The following MED22 variants were observed in gnomAD, a reference collection of about 807,000 sequenced individuals.
MED22 encodes the protein mediator of RNA polymerase II transcription subunit 22.
MED22 carries 22 observed loss-of-function variants against 22.7 expected under a neutral mutation model. The observed-to-expected ratio is 0.97, with a 90% CI of 0.69 to 1.38. MED22 has a LOEUF of 1.38. MED22 is among the 40% of genes most tolerant of loss of function. The pLI is 0.00. For missense variants in MED22, 247 were observed against 263.0 expected (o/e 0.94, Z 0.42); for synonymous variants, 134 against 119.4 (o/e 1.12, Z -0.80).
Position 133,348,009 on chromosome 9 carries a change from C to T in MED22, c.-126G>A. On this transcript the variant is annotated 5_prime_UTR_variant, in exon 1 of 5. Transcript: ENST00000343730. The stretch of plus-strand genomic sequence containing the variant: ...AGTGCCTCTGCGACCCGCACTTTCC[C>T]GCGTCTCTCCCACGGCCTGGCCCTC... 1 of 605,524 alleles carries T rather than the reference C, an allele frequency of 1.7e-6. No individual in the cohort carries two copies. Among genetic ancestry groups the T allele is most frequent in the South Asian group, 1.9e-5 (1 of 53,606 alleles). 37.5% of individuals were successfully genotyped at this position (605,524 alleles called of 1,614,324 possible). A position where few individuals can be genotyped will look rare whatever the true frequency, so the allele number is the denominator to read the frequency against.
chr9:133,345,153 C>G lies in MED22; in HGVS notation c.204+19G>C. On this transcript the variant is annotated intron_variant, in intron 3 of 4. Coordinates refer to ENST00000343730, the MANE Select transcript of MED22 (RefSeq NM_133640.5). Reference sequence around the variant, plus strand: ...ATGCTCTTGGAGCCCAGGCCGTGCCCTCCACCCTGGCCACTCACGATGTTG... The same window carrying G: ...ATGCTCTTGGAGCCCAGGCCGTGCCGTCCACCCTGGCCACTCACGATGTTG... 6.2e-7 allele frequency: 1 copy of G among 1,612,880 alleles called. No homozygotes were observed. The highest frequency in any genetic ancestry group is 8.5e-7 in the Non-Finnish European group (1 of 1,179,466).
chr9:133,345,166 A>G lies in MED22; in HGVS notation c.204+6T>C. ...CCAGGCCGTGCCCTCCACCCTGGCC[A>G]CTCACGATGTTGGCGGCTCGCACAT... On this transcript the variant is annotated splice_donor_region_variant and intron_variant, in intron 3 of 4. Transcript: ENST00000343730. The G allele has an allele frequency of 6.2e-7, 1 of 1,613,218 alleles. No homozygotes were observed. The highest frequency in any genetic ancestry group is 8.5e-7 in the Non-Finnish European group (1 of 1,179,826).
chr9:133,346,377 C>G, intron 2 of MED22, 163 bp downstream of exon 2: 1 of 801,108 alleles, frequency 1.2e-6, no homozygotes, highest in Admixed American at 2.4e-5. Flanking sequence ...TTAGTAAGGG[C>G]TGGACGTGCC....
At position 133,345,174 on chromosome 9, in the gene MED22, T is replaced by C. The variant is rs2129964073; in HGVS notation, c.202A>G (p.Ile68Val). 3.5e-5 allele frequency: 57 copies of C among 1,613,800 alleles called. No homozygotes were observed. In the South Asian group the frequency reaches 6.0e-4, roughly 17 times the overall value. Residue 68 changes from isoleucine to valine, a missense_variant and splice_region_variant, in exon 3 of 5, where the codon ATC becomes GTC. Ile to Val is a conservative substitution (Grantham distance 29, BLOSUM62 3). Transcript: ENST00000343730. ...TGCCCTCCACCCTGGCCACTCACGA[T>C]GTTGGCGGCTCGCACATGCATCTCG... The part of the protein sequence containing the change: ...NYEMHVRAAN[I>V]VRAGESLMKL...
Position 133,344,130 on chromosome 9 carries a change from C to T in MED22, c.408G>A (p.Ser136=), listed in dbSNP as rs2129959568. ...DLYELEEEYY[S]SSSSLCEAND... ...GAGTCCAGCGCTATTTATACCTGGA[C>T]GAGTAATACTCCTCCTCCAGCTCGT... The change falls in exon 4 of 5, where the codon TCG becomes TCA. Residue 136 remains serine (S), a synonymous_variant. Coordinates refer to ENST00000343730, the MANE Select transcript of MED22 (RefSeq NM_133640.5). 3.6e-5 allele frequency: 58 copies of T among 1,613,982 alleles called. No individual in the cohort carries two copies. Among genetic ancestry groups the T allele is most frequent in the East Asian group, 4.5e-5 (2 of 44,886 alleles).
In MED22 at chr9:133,341,317, A is replaced by G; in HGVS notation, c.*188T>C. On this transcript the variant is annotated 3_prime_UTR_variant, in exon 5 of 5. Transcript: ENST00000343730. ...ATGGGCTATTCGGAAATGGCTAGGG[A>G]AACAACTGTTTCCCTACTGTCCTGG... 1 of 520,008 alleles carries G rather than the reference A, an allele frequency of 1.9e-6. No individual in the cohort carries two copies. 32.2% of individuals were successfully genotyped at this position (520,008 alleles called of 1,614,324 possible).
rs916439600 is a variant in MED22 at position 133,346,475 on chromosome 9, C to T, written c.123+65G>A. The T allele has an allele frequency of 1.9e-6, 3 of 1,598,692 alleles. No homozygotes were observed. The South Asian group carries it at 3.3e-5, about 18-fold the overall frequency. Reference sequence around the variant, plus strand: ...ACTATTCACTCGCGCTGCTCAGCCCCTGGCCTCTCCTGTCTCCACCCCTTC... The same window carrying T: ...ACTATTCACTCGCGCTGCTCAGCCCTTGGCCTCTCCTGTCTCCACCCCTTC... On this transcript the variant is annotated intron_variant, in intron 2 of 4. Transcript: ENST00000343730.
Position 133,346,524 on chromosome 9 carries a change from G to C in MED22, c.123+16C>G. 6.2e-7 allele frequency: 1 copy of C among 1,611,372 alleles called. No individual in the cohort carries two copies. The highest frequency in any genetic ancestry group is 1.3e-5 in the African/African-American group (1 of 74,874). On this transcript the variant is annotated intron_variant, in intron 2 of 4. Transcript: ENST00000343730. ...TCTCAGACTCTGCTCCCCTTGGTGG[G>C]CCACCCCACCCCCACCTTGGCGGTC... is the stretch of plus-strand genomic sequence containing the variant.
At position 133,345,163 on chromosome 9, in the gene MED22, G is replaced by A. The variant is rs2129963947; in HGVS notation, c.204+9C>T. 1.2e-5 allele frequency: 20 copies of A among 1,613,338 alleles called. No homozygotes were observed. The highest frequency in any genetic ancestry group is 5.1e-6 in the Non-Finnish European group (6 of 1,179,910). ...AGCCCAGGCCGTGCCCTCCACCCTG[G>A]CCACTCACGATGTTGGCGGCTCGCA... On this transcript the variant is annotated intron_variant, in intron 3 of 4. Transcript: ENST00000343730.
chr9:133,347,916 T>C lies in MED22; in HGVS notation c.-39+6A>G. On this transcript the variant is annotated splice_donor_region_variant and intron_variant, in intron 1 of 4. Coordinates refer to ENST00000343730, the MANE Select transcript of MED22 (RefSeq NM_133640.5). ...TCCATCCCCACCCCCCACCACACCC[T>C]CATACCCGCCCCAGCGCCCGCACAC... The C allele has an allele frequency of 1.1e-5, 1 of 94,004 alleles. No homozygotes were observed. The highest frequency in any genetic ancestry group is 2.0e-5 in the Non-Finnish European group (1 of 49,542). The allele number at this position is 94,004 out of a possible 1,614,324, so 5.8% of individuals were successfully genotyped here. A position where few individuals can be genotyped will look rare whatever the true frequency, so the allele number is the denominator to read the frequency against.
chr9:133,342,142 C>G (rs1197835438), intron 4 of MED22: 3 of 1,005,640 alleles, frequency 3.0e-6, no homozygotes, highest in African/African-American at 3.5e-5. Context: ...CTGGGTCTGT[C>G]CCTGCCTGAG....
At chr9:133,345,641 G>GT (rs2129965901) in intron 2 of MED22, among the ~76,000 whole-genome samples, 1 of 152,058 alleles carries the variant, frequency 6.6e-6, no homozygotes. Flanking sequence ...GATGATTTAA[G>GT]TTTTTTTTCG....
At position 133,343,757 on chromosome 9, in the gene MED22, T is replaced by C. The variant is rs2129957729; in HGVS notation, c.413+368A>G. ...CCCAGCCTTGGCTGAAATCTCTACA[T>C]ATGGATTCAGAAGGTAACAGGAGCA... is the stretch of plus-strand genomic sequence containing the variant. On this transcript the variant is annotated intron_variant, in intron 4 of 4. Coordinates refer to ENST00000343730, the MANE Select transcript of MED22 (RefSeq NM_133640.5). 7.3e-4 allele frequency: 970 copies of C among 1,326,124 alleles called. 13 individuals are homozygous for C. In the East Asian group the frequency reaches 0.024, roughly 33 times the overall value. 82.1% of individuals were successfully genotyped at this position (1,326,124 alleles called of 1,614,324 possible).
intron 4 of MED22, 114 bp downstream of exon 4, chr9:133,344,011 G>A (rs989451061): frequency 6.6e-7 from 1 of 1,525,920 alleles, no homozygotes; most frequent in Non-Finnish European, 8.8e-7. Context: ...CCCAGGCATG[G>A]CTCCACTGCT....
At chr9:133,345,079 A>C (rs1588680220) in intron 3 of MED22, 93 bp downstream of exon 3, 1 of 1,266,766 alleles carries the variant, frequency 7.9e-7, no homozygotes, top group South Asian at 1.2e-5. Context: ...AGAAGACCAG[A>C]CCAGCCCCAG....
Position 133,341,547 on chromosome 9 carries a change from G to A in MED22, c.561C>T (p.Ala187=). Residue 187 remains alanine, a synonymous_variant, in exon 5 of 5, where the codon GCC becomes GCT. Coordinates refer to ENST00000343730, the MANE Select transcript of MED22 (RefSeq NM_133640.5). ...GGCCAGGGCCACCAGCATGGGAGTG[G>A]GCAGGGGCTGCCACCTGTAGGGGGC... is the stretch of plus-strand genomic sequence containing the variant. ...SAGPLQVAAP[A]HSHAGGPGPT... The A allele has an allele frequency of 1.3e-6, 2 of 1,552,636 alleles. No individual in the cohort carries two copies. Among genetic ancestry groups the A allele is most frequent in the South Asian group, 2.5e-5 (2 of 81,114 alleles).
intron 4 of MED22, chr9:133,343,483 G>A: frequency 3.2e-6 from 4 of 1,233,960 alleles, no homozygotes; most frequent in Non-Finnish European, 4.0e-6. Flanking sequence ...GATGGGTTTT[G>A]ACCCTTCTGC....
chr9:133,344,163 A>G lies in MED22; in HGVS notation c.375T>C (p.Ile125=). Residue 125 remains isoleucine (I), a synonymous_variant, in exon 4 of 5, where the codon ATT becomes ATC. Transcript: ENST00000343730. ...ACTCCTCCTCCAGCTCGTAGAGGTC[A>G]ATGGAGATCTCGTCTCGCAGCGTGA... The part of the protein sequence containing the change: ...KLITLRDEIS[I]DLYELEEEYY... 6.2e-7 allele frequency: 1 copy of G among 1,614,164 alleles called. No individual in the cohort carries two copies. Among genetic ancestry groups the G allele is most frequent in the Non-Finnish European group, 8.5e-7 (1 of 1,180,020 alleles).
Position 133,344,146 on chromosome 9 carries a change from T to C in MED22, c.392A>G (p.Glu131Gly), listed in dbSNP as rs2129959737. Residue 131 changes from glutamate (E) to glycine (G), a missense_variant, in exon 4 of 5, where the codon GAG becomes GGG. Glu to Gly is a moderately conservative substitution (Grantham distance 98). Transcript: ENST00000343730. The stretch of plus-strand genomic sequence containing the variant: ...ATACCTGGACGAGTAATACTCCTCC[T>C]CCAGCTCGTAGAGGTCAATGGAGAT... ...DEISIDLYEL[E>G]EEYYSSSSSL... 1 of 1,614,150 alleles carries C rather than the reference T, an allele frequency of 6.2e-7. No individual in the cohort carries two copies. The highest frequency in any genetic ancestry group is 2.2e-5 in the East Asian group (1 of 44,878).
Sources: allele counts gnomAD v4.1 joint callset (sites outside exome capture counted in the v4.1 genomes callset), GRCh38; gene constraint gnomAD v4.1.1; transcripts MANE v1.5; gene names NCBI Gene and HGNC (gene_info 2026-07-23, HGNC 2026-07-21).